CFAP61: variants seen among roughly 807,000 people sequenced by gnomAD.
The protein encoded by CFAP61 is cilia- and flagella-associated protein 61.
CFAP61 carries 107 observed loss-of-function variants against 135.6 expected under a neutral mutation model. The observed-to-expected ratio is 0.79, with a 90% confidence interval of 0.67 to 0.93. CFAP61 has a LOEUF of 0.93. Ranked by LOEUF, CFAP61 falls within the 40% of genes least tolerant of loss-of-function variation. The probability of loss-of-function intolerance (pLI) is 0.00; values close to 1 mark genes in which losing one functional copy is unlikely to be tolerated. For missense variants in CFAP61, 1,507 were observed against 1,556.2 expected (o/e 0.97, Z 0.53); for synonymous variants, 575 against 578.5 (o/e 0.99, Z 0.09).
At chr20:20,319,484 T>C (rs1275883771) in intron 25 of CFAP61, among the ~76,000 whole-genome samples, 1 of 152,188 alleles carries the variant, frequency 6.6e-6, no homozygotes, top group Non-Finnish European at 1.5e-5. Flanking sequence ...TTGCTGTTCT[T>C]GTAATAGTGA....
intron 20 of CFAP61, chr20:20,253,652 A>G (rs572760504): frequency 1.3e-5 from 6 of 446,148 alleles, no homozygotes; most frequent in African/African-American, 6.1e-5. Flanking sequence ...CGCACCTACC[A>G]ACTCCACCTT....
intron 8 of CFAP61, among the ~76,000 whole-genome samples, chr20:20,119,422 C>T (rs974514618): frequency 7.2e-5 from 11 of 152,146 alleles, no homozygotes; most frequent in African/African-American, 2.6e-4. Flanking sequence ...ATAATATTCT[C>T]GAATGATCCT....
rs13040532 is a variant in CFAP61 at position 20,254,180 on chromosome 20, C to T, written c.2328+2417C>T. ...TCTCCCCTCCCCTCCCCTCCCCTCC[C>T]CTCCTCTCCTCTCCTCTCCTCTCCT... is the stretch of plus-strand genomic sequence containing the variant. On this transcript the variant is annotated intron_variant, in intron 20 of 26. Coordinates refer to ENST00000245957, the MANE Select transcript of CFAP61 (RefSeq NM_015585.4). 7.6e-4 allele frequency among the ~76,000 whole-genome samples: 36 copies of T among 47,388 alleles called. 1 individual carries two copies. Among genetic ancestry groups the T allele is most frequent in the South Asian group, 3.6e-3 (4 of 1,106 alleles). 31.1% of individuals were successfully genotyped at this position (47,388 alleles called of 152,430 possible).
chr20:20,246,065 T>G (rs2050432182), intron 18 of CFAP61, 52 bp from the exon 19 acceptor site: 1 of 1,119,504 alleles, frequency 8.9e-7, no homozygotes, highest in Non-Finnish European at 1.3e-6. Flanking sequence ...TGATAAACTT[T>G]TGCTAAATTG....
intron 17 of CFAP61, among the ~76,000 whole-genome samples, 188 bp downstream of exon 17, chr20:20,200,090 G>A (rs756244687): frequency 6.6e-6 from 1 of 152,210 alleles, no homozygotes; most frequent in Non-Finnish European, 1.5e-5. Context: ...GTTATTTCCC[G>A]GGAAGCCTAA....
At chr20:20,316,018 C>T (rs1247342183) in intron 25 of CFAP61, among the ~76,000 whole-genome samples, 4 of 152,128 alleles carry the variant, frequency 2.6e-5, no homozygotes, top group East Asian at 1.9e-4. Flanking sequence ...CTTGGCGATG[C>T]GGGCTCTTTT....
chr20:20,231,178 C>A (rs1192242432), intron 18 of CFAP61, among the ~76,000 whole-genome samples: 1 of 152,160 alleles, frequency 6.6e-6, no homozygotes, highest in Non-Finnish European at 1.5e-5. Flanking sequence ...GATGTAAGCT[C>A]CATGTGATGA....
At chr20:20,088,280 A>G (rs1377690168) in intron 6 of CFAP61, among the ~76,000 whole-genome samples, 2 of 152,120 alleles carry the variant, frequency 1.3e-5, no homozygotes, top group East Asian at 1.9e-4. Context: ...AGTTTTGACA[A>G]GAGGTGTATT....
chr20:20,246,247 G>A (rs773611734), intron 19 of CFAP61, 32 bp downstream of exon 19: 2 of 1,290,302 alleles, frequency 1.6e-6, no homozygotes, highest in East Asian at 2.3e-5. Flanking sequence ...TCATTCTGAG[G>A]CCTAAATGTC....
chr20:20,352,688 C>A (rs1385017399), intron 26 of CFAP61, among the ~76,000 whole-genome samples: 1 of 152,076 alleles, frequency 6.6e-6, no homozygotes, highest in African/African-American at 2.4e-5. Flanking sequence ...AAAATCAATT[C>A]AAAATGGAGT....
intron 19 of CFAP61, among the ~76,000 whole-genome samples, chr20:20,250,736 AGGT>A (rs1185513357): frequency 6.6e-6 from 1 of 152,218 alleles, no homozygotes; most frequent in Admixed American, 6.5e-5. Flanking sequence ...AATCACTAAA[AGGT>A]GGTTTACCTG....
chr20:20,196,888 G>T, intron 16 of CFAP61, 112 bp downstream of exon 16: 1 of 932,214 alleles, frequency 1.1e-6, no homozygotes, highest in Non-Finnish European at 1.7e-6. Flanking sequence ...TGATAACATG[G>T]GTCTGAATTT....
intron 25 of CFAP61, among the ~76,000 whole-genome samples, chr20:20,319,776 G>C (rs1260096227): frequency 2.0e-5 from 3 of 152,194 alleles, no homozygotes; most frequent in Non-Finnish European, 4.4e-5. Context: ...GACTATTAGT[G>C]CTCATAAATG....
intron 13 of CFAP61, among the ~76,000 whole-genome samples, chr20:20,170,678 A>G (rs920890256): frequency 1.3e-5 from 2 of 152,190 alleles, no homozygotes; most frequent in African/African-American, 4.8e-5. Context: ...TGCTGTGTTA[A>G]CCTTTTGAGT....
intron 8 of CFAP61, among the ~76,000 whole-genome samples, chr20:20,114,654 C>G (rs538094452): frequency 1.3e-5 from 2 of 152,238 alleles, no homozygotes; most frequent in South Asian, 2.1e-4. Context: ...CACAGACTTA[C>G]TAATTCTAAG....
At chr20:20,070,087 C>T (rs571022898) in intron 2 of CFAP61, among the ~76,000 whole-genome samples, 16 of 152,234 alleles carry the variant, frequency 1.1e-4, no homozygotes, top group Admixed American at 7.2e-4. Context: ...CCTTGATGGG[C>T]CACAAGACAG....
At chr20:20,136,726 C>G (rs1025343666) in intron 8 of CFAP61, among the ~76,000 whole-genome samples, 2 of 152,250 alleles carry the variant, frequency 1.3e-5, no homozygotes, top group Non-Finnish European at 2.9e-5. Context: ...CTCTGTCTCT[C>G]TGGGATTGGT....
intron 22 of CFAP61, among the ~76,000 whole-genome samples, chr20:20,284,055 A>G (rs1382633784): frequency 1.3e-5 from 2 of 151,998 alleles, no homozygotes; most frequent in East Asian, 3.9e-4. Flanking sequence ...CATGCTTTTT[A>G]TCCTTTCTAT....
At chr20:20,302,845 A>G (rs1456987193) in intron 25 of CFAP61, among the ~76,000 whole-genome samples, 3 of 152,178 alleles carry the variant, frequency 2.0e-5, no homozygotes, top group Non-Finnish European at 4.4e-5. Context: ...CATTCTTACC[A>G]TGAATGGATT....
Sources: allele counts gnomAD v4.1 joint callset (sites outside exome capture counted in the v4.1 genomes callset), GRCh38; gene constraint gnomAD v4.1.1; transcripts MANE v1.5; gene names NCBI Gene and HGNC (gene_info 2026-07-23, HGNC 2026-07-21).